Variants in CMSS1 observed in about 807,000 individuals in gnomAD.
CMSS1 encodes the protein cms1 ribosomal small subunit homolog.
CMSS1 carries 33 observed loss-of-function variants against 43.5 expected under a neutral mutation model. The observed-to-expected ratio is 0.76, with a 90% CI of 0.57 to 1.01. CMSS1 has a LOEUF of 1.01. CMSS1 is among the 50% of genes least tolerant of loss of function. The probability of loss-of-function intolerance (pLI) is 0.00; values close to 1 mark genes in which losing one functional copy is unlikely to be tolerated. For missense variants in CMSS1, 313 were observed against 326.4 expected, an observed-to-expected ratio of 0.96 and a Z score of 0.32; for synonymous variants, 115 against 117.2, an observed-to-expected ratio of 0.98 and a Z score of 0.12.
At chr3:99,863,398 G>A (rs809415) in intron 1 of CMSS1, among the ~76,000 whole-genome samples, 1 of 151,940 alleles carries the variant, frequency 6.6e-6, no homozygotes, top group Non-Finnish European at 1.5e-5. Flanking sequence ...ACTCCTGTAC[G>A]TGGGGACTCA....
intron 1 of CMSS1, among the ~76,000 whole-genome samples, chr3:99,887,138 GCGTGC>G (rs986024929): frequency 6.6e-6 from 1 of 151,648 alleles, no homozygotes; most frequent in Admixed American, 6.6e-5. Context: ...GGGCATGGTG[GCGTGC>G]CTGTAATCCC....
intron 1 of CMSS1, among the ~76,000 whole-genome samples, chr3:100,139,151 TGGACACA>T (rs2066780878): frequency 1.3e-5 from 2 of 151,948 alleles, no homozygotes; most frequent in South Asian, 4.2e-4. Flanking sequence ...TGAGAACATG[TGGACACA>T]GGGAGGGGAC....
At chr3:100,091,908 G>A (rs1290776803) in intron 1 of CMSS1, among the ~76,000 whole-genome samples, 3 of 152,170 alleles carry the variant, frequency 2.0e-5, no homozygotes, top group Non-Finnish European at 4.4e-5. Flanking sequence ...TAACATGGTG[G>A]TTAAGAACTC....
intron 1 of CMSS1, among the ~76,000 whole-genome samples, chr3:99,885,233 A>G (rs1454725309): frequency 6.6e-6 from 1 of 152,246 alleles, no homozygotes; most frequent in African/African-American, 2.4e-5. Flanking sequence ...TAGTAATACC[A>G]AAGAGACTCT....
intron 1 of CMSS1, among the ~76,000 whole-genome samples, chr3:99,948,377 A>G (rs1708073793): frequency 6.6e-6 from 1 of 151,990 alleles, no homozygotes; most frequent in African/African-American, 2.4e-5. Flanking sequence ...TAAAAATAAG[A>G]AAGAAAAAAA....
At chr3:100,176,466 T>A in intron 9 of CMSS1, 51 bp downstream of exon 9, 2 of 1,193,990 alleles carry the variant, frequency 1.7e-6, no homozygotes, top group Non-Finnish European at 1.2e-6. Flanking sequence ...TATTTGAACT[T>A]GGTTCAAACA....
chr3:99,868,426 A>G (rs1024514240), intron 1 of CMSS1, among the ~76,000 whole-genome samples: 5 of 152,144 alleles, frequency 3.3e-5, no homozygotes, highest in East Asian at 1.9e-4. Context: ...ACAGCCCCCT[A>G]TATGTCAGCC....
At chr3:100,121,616 A>G (rs1184403196) in intron 1 of CMSS1, among the ~76,000 whole-genome samples, 17 of 152,156 alleles carry the variant, frequency 1.1e-4, no homozygotes, top group Non-Finnish European at 2.9e-5. Flanking sequence ...TGTCTTTATC[A>G]TAGAATGATT....
intron 1 of CMSS1, among the ~76,000 whole-genome samples, chr3:99,901,545 C>T (rs1321815403): frequency 1.3e-5 from 2 of 152,156 alleles, no homozygotes; most frequent in African/African-American, 2.4e-5. Context: ...AGATGTTCGT[C>T]GGGAAAGCTC....
At chr3:99,839,235 G>GTGTTGAGC (rs1439438360) in intron 1 of CMSS1, among the ~76,000 whole-genome samples, 1 of 152,094 alleles carries the variant, frequency 6.6e-6, no homozygotes, top group East Asian at 1.9e-4. Flanking sequence ...TTCCTTCTCT[G>GTGTTGAGC]TGTTGAGCTC....
chr3:99,945,333 CT>C (rs1302316446), intron 1 of CMSS1, among the ~76,000 whole-genome samples: 6 of 152,160 alleles, frequency 3.9e-5, no homozygotes, highest in African/African-American at 1.4e-4. Context: ...GCTTCCCAGC[CT>C]TGTTGCGTAG....
intron 1 of CMSS1, among the ~76,000 whole-genome samples, chr3:100,127,235 C>T (rs1409177831): frequency 6.6e-6 from 1 of 152,132 alleles, no homozygotes; most frequent in African/African-American, 2.4e-5. Context: ...TATTTTAAAG[C>T]CATTTTCAAC....
intron 1 of CMSS1, among the ~76,000 whole-genome samples, chr3:100,092,593 A>G (rs2066129538): frequency 6.7e-6 from 1 of 150,200 alleles, no homozygotes; most frequent in East Asian, 1.9e-4. Context: ...TTGGAAGGCC[A>G]CTAGTTATGA....
At chr3:99,982,908 A>G (rs1468235723) in intron 1 of CMSS1, among the ~76,000 whole-genome samples, 1 of 152,178 alleles carries the variant, frequency 6.6e-6, no homozygotes, top group Non-Finnish European at 1.5e-5. Context: ...GCTGTGTTAA[A>G]CATGTTTTTT....
Position 99,850,541 on chromosome 3 carries a change from C to T in CMSS1, c.64+32498C>T, listed in dbSNP as rs1292025797. The T allele has an allele frequency of 5.0e-6, 8 of 1,613,600 alleles. No homozygotes were observed. Among genetic ancestry groups the T allele is most frequent in the Non-Finnish European group, 5.9e-6 (7 of 1,179,996 alleles). On this transcript the variant is annotated intron_variant, in intron 1 of 9. Transcript: ENST00000421999. ...TCATCTTTCCCTTCCATATCTAGCA[C>T]ACGTTTCCTGAGCTCTTCCACTTCA...
intron 1 of CMSS1, among the ~76,000 whole-genome samples, chr3:100,131,188 C>T (rs941508752): frequency 3.3e-5 from 5 of 152,006 alleles, no homozygotes; most frequent in South Asian, 2.1e-4. Flanking sequence ...GAAACTAAGG[C>T]GCAAAAAGAG....
At chr3:100,167,011 G>A (rs2067071614) in intron 5 of CMSS1, among the ~76,000 whole-genome samples, 1 of 152,070 alleles carries the variant, frequency 6.6e-6, no homozygotes, top group Non-Finnish European at 1.5e-5. Flanking sequence ...GCCTCCCAAA[G>A]TGCTGAGATT....
intron 1 of CMSS1, among the ~76,000 whole-genome samples, chr3:99,837,304 T>C (rs1487046449): frequency 1.3e-5 from 2 of 152,178 alleles, no homozygotes; most frequent in African/African-American, 4.8e-5. Context: ...TTTAGTTAGC[T>C]CCTGTTTATA....
intron 1 of CMSS1, among the ~76,000 whole-genome samples, chr3:99,893,916 G>A (rs1388287088): frequency 6.6e-6 from 1 of 152,170 alleles, no homozygotes; most frequent in Non-Finnish European, 1.5e-5. Context: ...AAATATTTCT[G>A]TGAGTTGCTC....
Sources: gnomAD v4.1 joint callset for allele counts (sites outside exome capture counted in the v4.1 genomes callset) on GRCh38, gnomAD v4.1.1 for gene constraint, MANE v1.5 for transcripts, NCBI Gene and HGNC (gene_info 2026-07-23, HGNC 2026-07-21) for gene names.